The following TRANK1 variants were observed in gnomAD, a reference collection of about 807,000 sequenced individuals.
TRANK1 encodes TPR and ankyrin repeat-containing protein 1.
TRANK1 carries 198 observed loss-of-function variants against 266.0 expected under a neutral mutation model. The observed-to-expected ratio is 0.74, with a 90% CI of 0.66 to 0.84. The LOEUF (loss-of-function observed/expected upper bound fraction) is 0.84. Among genes scored for constraint, TRANK1 ranks in the 40% least tolerant of loss-of-function variants. The probability of loss-of-function intolerance (pLI) is 0.00; values close to 1 mark genes in which losing one functional copy is unlikely to be tolerated. For missense variants in TRANK1, 3,326 were observed against 3,634.6 expected, an observed-to-expected ratio of 0.92 and a Z score of 2.18; for synonymous variants, 1,396 against 1,384.1, an observed-to-expected ratio of 1.01 and a Z score of -0.19.
intron 1 of TRANK1, among the ~76,000 whole-genome samples, chr3:36,912,802 CAG>C (rs2080071216): frequency 6.6e-6 from 1 of 152,100 alleles, no homozygotes; most frequent in African/African-American, 2.4e-5. Flanking sequence ...CTGAAATGGG[CAG>C]AGAGGATGGC....
At chr3:36,935,736 C>T (rs1021029053) in intron 1 of TRANK1, among the ~76,000 whole-genome samples, 5 of 152,050 alleles carry the variant, frequency 3.3e-5, no homozygotes, top group Admixed American at 2.0e-4. Context: ...CGTGAGTCAC[C>T]GCACACGGCC....
rs2078721197 is a variant in TRANK1, at chr3:36,833,176, G to A, written c.6407C>T (p.Pro2136Leu). The A allele has an allele frequency of 1.2e-5, 20 of 1,613,558 alleles. No homozygotes were observed. Among genetic ancestry groups the A allele is most frequent in the Non-Finnish European group, 1.7e-5 (20 of 1,179,754 alleles). The change falls in exon 22 of 24, where the codon CCC becomes CTC. Residue 2136 changes from proline (P) to leucine (L), a missense_variant. By Grantham distance (98) the Pro-to-Leu change is moderately conservative (BLOSUM62 -3). Coordinates refer to ENST00000645898, the MANE Select transcript of TRANK1 (RefSeq NM_001329998.2). ...CAGGTCAAAAATTATTCTTAATATG[G>A]GCCCAGGGTCATTCTGAGCTATCTG... ...YCQIAQNDPG[P>L]ILRIIFDLDL...
chr3:36,905,394 G>C (rs2125627754), intron 2 of TRANK1, among the ~76,000 whole-genome samples: 1 of 152,252 alleles, frequency 6.6e-6, no homozygotes, highest in East Asian at 1.9e-4. Context: ...GAGGTCATGA[G>C]GGTGGAGTCC....
Position 36,903,188 on chromosome 3 carries a change from A to C in TRANK1, c.243T>G (p.Ala81=). The C allele has an allele frequency of 3.3e-6, 5 of 1,537,306 alleles. No individual in the cohort carries two copies. The highest frequency in any genetic ancestry group is 4.4e-6 in the Non-Finnish European group (5 of 1,146,940). Residue 81 remains alanine, a synonymous_variant, in exon 3 of 24, where the codon GCT becomes GCG. Transcript: ENST00000645898. The part of the protein sequence containing the change: ...SLGKWNEAFV[A]AKECLQWDPT... ...GATCCCATTGGAGACATTCCTTGGC[A>C]GCAACAAATGCCTCATTCCACTTCC...
chr3:36,877,497 T>C lies in TRANK1; in HGVS notation c.908-3201A>G, dbSNP rs183086677. Among the ~76,000 whole-genome samples, 32 of 152,274 alleles carry C rather than the reference T, an allele frequency of 2.1e-4. 2 individuals carry two copies. The highest frequency in any genetic ancestry group is 2.0e-3 in the Admixed American group (31 of 15,302). On this transcript the variant is annotated intron_variant, in intron 8 of 23. Transcript: ENST00000645898. ...ATGCAACCCCACTGATTCACAAACATGTATGTAAAAGAATGGTCTCCAAGC... is the reference window on the plus strand; with the variant it reads ...ATGCAACCCCACTGATTCACAAACACGTATGTAAAAGAATGGTCTCCAAGC...
chr3:36,864,280 A>G, intron 10 of TRANK1, 39 bp downstream of exon 10: 1 of 1,465,066 alleles, frequency 6.8e-7, no homozygotes, highest in African/African-American at 1.4e-5. Context: ...ATGAACATAA[A>G]TCATTTTTAA....
chr3:36,929,896 T>TTGTTGTTGTTGC (rs2080338102), intron 1 of TRANK1, among the ~76,000 whole-genome samples: 1 of 151,790 alleles, frequency 6.6e-6, no homozygotes, highest in Non-Finnish European at 1.5e-5. Flanking sequence ...GTTGTTGTTG[T>TTGTTGTTGTTGC]TGTTGTTGTT....
chr3:36,910,081 C>A (rs17035748), intron 1 of TRANK1, among the ~76,000 whole-genome samples: 23,133 of 152,178 alleles, frequency 0.15, 2,296 homozygotes, highest in East Asian at 0.3. Context: ...AAATAGCTTT[C>A]CACTGCAAGA....
intron 1 of TRANK1, among the ~76,000 whole-genome samples, chr3:36,920,930 A>G (rs2080204829): frequency 6.6e-6 from 1 of 152,204 alleles, no homozygotes; most frequent in African/African-American, 2.4e-5. Context: ...AAGAATCAGT[A>G]TGTCAGCATG....
chr3:36,836,770 T>C (rs1019899158), intron 20 of TRANK1, among the ~76,000 whole-genome samples: 2 of 152,226 alleles, frequency 1.3e-5, no homozygotes, highest in African/African-American at 4.8e-5. Context: ...TTCCCAGATA[T>C]GCCACCATCC....
upstream of TRANK1, among the ~76,000 whole-genome samples, chr3:36,945,507 T>TGAA (rs962717147): frequency 1.3e-5 from 2 of 151,756 alleles, no homozygotes; most frequent in African/African-American, 4.8e-5. Context: ...GGTCCGGGAG[T>TGAA]GAAGGGGGCA....
At chr3:36,883,444 CAAAAA>C (rs34988717) in intron 8 of TRANK1, among the ~76,000 whole-genome samples, 1 of 93,464 alleles carries the variant, frequency 1.1e-5, no homozygotes, top group Non-Finnish European at 2.5e-5. Flanking sequence ...GACTCTGTCT[CAAAAA>C]AAAAAAAAAA....
At chr3:36,835,276 G>C (rs974183461) in intron 20 of TRANK1, among the ~76,000 whole-genome samples, 1 of 116,708 alleles carries the variant, frequency 8.6e-6, no homozygotes, top group African/African-American at 3.3e-5. Context: ...CCGAGATCCC[G>C]CCACTGCACT....
chr3:36,879,889 C>CAAATAT lies in TRANK1; in HGVS notation c.908-5594_908-5593insATATTT, dbSNP rs1559449217. 2.8e-3 allele frequency among the ~76,000 whole-genome samples: 55 copies of CAAATAT among 19,818 alleles called. 4 individuals are homozygous for CAAATAT. Among genetic ancestry groups the CAAATAT allele is most frequent in the East Asian group, 7.2e-3 (6 of 832 alleles). The allele number at this position is 19,818 out of a possible 152,430, so 13.0% of individuals were successfully genotyped here. On this transcript the variant is annotated intron_variant, in intron 8 of 23. Coordinates refer to ENST00000645898, the MANE Select transcript of TRANK1 (RefSeq NM_001329998.2). Reference sequence around the variant, plus strand: ...ATGTAAACATACAAATATATGTAAACATGCAAATATATGTAAACATGCAAA... The same window carrying CAAATAT: ...ATGTAAACATACAAATATATGTAAACAAATATATGCAAATATATGTAAACATGCAAA...
At chr3:36,895,584 G>C in intron 5 of TRANK1, 56 bp downstream of exon 5, 1 of 1,093,954 alleles carries the variant, frequency 9.1e-7, no homozygotes, top group Non-Finnish European at 1.3e-6. Flanking sequence ...CCAATGGAAA[G>C]GAATCATTTC....
At chr3:36,877,759 T>C (rs1472209772) in intron 8 of TRANK1, among the ~76,000 whole-genome samples, 1 of 152,214 alleles carries the variant, frequency 6.6e-6, no homozygotes, top group Admixed American at 6.5e-5. Flanking sequence ...AAAGTTTTAG[T>C]AGTTGATTTT....
intron 22 of TRANK1, among the ~76,000 whole-genome samples, chr3:36,830,268 T>A (rs1434536985): frequency 3.3e-5 from 5 of 150,644 alleles, no homozygotes; most frequent in African/African-American, 9.8e-5. Flanking sequence ...TGAGCCAAGA[T>A]CACGCCACTG....
At chr3:36,939,652 A>G (rs2080469984) in intron 1 of TRANK1, among the ~76,000 whole-genome samples, 1 of 152,174 alleles carries the variant, frequency 6.6e-6, no homozygotes, top group Admixed American at 6.5e-5. Flanking sequence ...ATTGGTGCCT[A>G]CTGTGTACCA....
chr3:36,879,637 AATATACAAATATATATAAATATATAAAT>A (rs2079450681), intron 8 of TRANK1, among the ~76,000 whole-genome samples: 1 of 75,138 alleles, frequency 1.3e-5, no homozygotes, highest in Admixed American at 1.5e-4. Flanking sequence ...AATATATATA[AATATACAAATATATATAAATATATAAAT>A]ATATATAAAT....
Sources: gnomAD v4.1 joint callset for allele counts (sites outside exome capture counted in the v4.1 genomes callset) on GRCh38, gnomAD v4.1.1 for gene constraint, MANE v1.5 for transcripts, NCBI Gene and HGNC (gene_info 2026-07-23, HGNC 2026-07-21) for gene names.